SAXO1: variants seen among roughly 807,000 people sequenced by gnomAD.
The protein encoded by SAXO1 is stabilizer of axonemal microtubules 1.
A neutral mutation model predicts 17.5 loss-of-function variants in SAXO1; 21 were observed. The ratio of observed to expected loss-of-function variants is 1.20; its 90% CI spans 0.85 to 1.72. The LOEUF (loss-of-function observed/expected upper bound fraction) is 1.72, where lower values mean the gene tolerates loss of function less well. Among genes scored for constraint, SAXO1 ranks in the 40% most tolerant of loss-of-function variants. The pLI, the probability that SAXO1 is intolerant of heterozygous loss-of-function variation, is 0.00. For missense variants in SAXO1, 843 were observed against 596.0 expected (o/e 1.41, Z -4.32); for synonymous variants, 274 against 216.5 (o/e 1.27, Z -2.33).
intron 1 of SAXO1, among the ~76,000 whole-genome samples, chr9:18,956,486 G>A (rs931553530): frequency 6.6e-6 from 1 of 152,114 alleles, no homozygotes; most frequent in African/African-American, 2.4e-5. Context: ...TGGATCCCCT[G>A]CTGAGCCTAG....
chr9:19,003,612 T>C (rs576745401), intron 1 of SAXO1, among the ~76,000 whole-genome samples: 11 of 152,202 alleles, frequency 7.2e-5, no homozygotes, highest in Non-Finnish European at 1.2e-4. Flanking sequence ...CATCTGGTCT[T>C]TGACAAACCT....
intron 1 of SAXO1, among the ~76,000 whole-genome samples, chr9:18,976,265 A>G (rs1211605719): frequency 2.0e-5 from 3 of 152,158 alleles, no homozygotes; most frequent in African/African-American, 7.2e-5. Flanking sequence ...TCTAGGGCTG[A>G]AAAACTTGAG....
At chr9:19,031,103 C>G (rs1037378145) in intron 1 of SAXO1, among the ~76,000 whole-genome samples, 2 of 152,240 alleles carry the variant, frequency 1.3e-5, no homozygotes, top group Admixed American at 6.5e-5. Flanking sequence ...AACCCTACTG[C>G]AGGGGCAGGA....
chr9:19,017,377 T>C (rs942680514), intron 1 of SAXO1, among the ~76,000 whole-genome samples: 7 of 151,958 alleles, frequency 4.6e-5, no homozygotes, highest in Admixed American at 2.6e-4. Context: ...ACCCACAGAA[T>C]CTAAAATAAA....
intron 1 of SAXO1, among the ~76,000 whole-genome samples, chr9:18,955,481 C>A (rs1832220530): frequency 6.6e-6 from 1 of 152,054 alleles, no homozygotes; most frequent in Non-Finnish European, 1.5e-5. Flanking sequence ...AAGGTACAGA[C>A]AAAAGAACTG....
intron 1 of SAXO1, among the ~76,000 whole-genome samples, chr9:18,994,472 C>T (rs1833928946): frequency 6.6e-6 from 1 of 152,124 alleles, no homozygotes; most frequent in Non-Finnish European, 1.5e-5. Context: ...GGTAGACCAC[C>T]CAGTGTTGTA....
At chr9:18,929,146 C>T (rs1377870047) in intron 3 of SAXO1, 91 bp from the exon 4 acceptor site, 1 of 1,385,268 alleles carries the variant, frequency 7.2e-7, no homozygotes, top group Admixed American at 2.3e-5. Context: ...AAGGCAGTCT[C>T]CGATGAAGTG....
chr9:18,998,925 A>C (rs935023905), intron 1 of SAXO1, among the ~76,000 whole-genome samples: 4 of 152,248 alleles, frequency 2.6e-5, no homozygotes, highest in Non-Finnish European at 5.9e-5. Flanking sequence ...TGTCACCACC[A>C]GGCCTGCCTT....
chr9:19,007,056 T>TA (rs1052108318), intron 1 of SAXO1, among the ~76,000 whole-genome samples: 4 of 134,508 alleles, frequency 3.0e-5, no homozygotes, highest in African/African-American at 5.7e-5. Context: ...AAAATAAAAA[T>TA]AAAAAAAATA....
chr9:18,940,481 A>G (rs1048465919), intron 3 of SAXO1, among the ~76,000 whole-genome samples: 1 of 152,256 alleles, frequency 6.6e-6, no homozygotes, highest in Non-Finnish European at 1.5e-5. Flanking sequence ...AGGGTCCTCC[A>G]GGATGACAGA....
At chr9:19,019,457 G>A (rs937169005) in intron 1 of SAXO1, among the ~76,000 whole-genome samples, 1 of 152,078 alleles carries the variant, frequency 6.6e-6, no homozygotes, top group Non-Finnish European at 1.5e-5. Context: ...GCCGGACAAG[G>A]TTGGCTCACA....
intron 1 of SAXO1, among the ~76,000 whole-genome samples, chr9:19,022,555 T>A (rs1302688353): frequency 6.6e-6 from 1 of 152,208 alleles, no homozygotes; most frequent in Non-Finnish European, 1.5e-5. Context: ...TTGAAATGCA[T>A]CATACTTGAA....
chr9:18,979,154 C>T (rs752131524), intron 1 of SAXO1, among the ~76,000 whole-genome samples: 43 of 152,294 alleles, frequency 2.8e-4, no homozygotes, highest in Non-Finnish European at 4.9e-4. Flanking sequence ...AGGTCCAAAG[C>T]ACTAGGCTAG....
chr9:19,027,302 G>A, intron 1 of SAXO1: 1 of 835,192 alleles, frequency 1.2e-6, no homozygotes, highest in Non-Finnish European at 2.1e-6. Context: ...TGGTGGGTGT[G>A]AACAAAGACT....
chr9:19,003,851 A>G (rs904657094), intron 1 of SAXO1, among the ~76,000 whole-genome samples: 1 of 152,226 alleles, frequency 6.6e-6, no homozygotes, highest in Non-Finnish European at 1.5e-5. Context: ...CTTCATGACT[A>G]AAACACCAAA....
intron 1 of SAXO1, among the ~76,000 whole-genome samples, chr9:19,011,203 G>C (rs1004298281): frequency 3.3e-5 from 5 of 152,174 alleles, no homozygotes; most frequent in African/African-American, 9.7e-5. Context: ...TTAAATACAT[G>C]CGTGACTGAA....
Position 18,928,772 on chromosome 9 carries a change from T to G in SAXO1, c.705A>C (p.Glu235Asp). 6.2e-7 allele frequency: 1 copy of G among 1,614,030 alleles called. No homozygotes were observed. Among genetic ancestry groups the G allele is most frequent in the Non-Finnish European group, 8.5e-7 (1 of 1,179,996 alleles). ...EKFRPCEIPF[E>D]SLTTQKQSYR... Reference sequence around the variant, plus strand: ...AGGATTGTTTTTGAGTGGTAAGGCTTTCAAAGGGGATTTCACAGGGCCTGA... The same window carrying G: ...AGGATTGTTTTTGAGTGGTAAGGCTGTCAAAGGGGATTTCACAGGGCCTGA... Residue 235 changes from glutamate (E) to aspartate (D), a missense_variant, in exon 4 of 4, where the codon GAA becomes GAC. Transcript: ENST00000380534.
chr9:18,960,615 A>C (rs1279193922), intron 1 of SAXO1, among the ~76,000 whole-genome samples: 1 of 151,996 alleles, frequency 6.6e-6, no homozygotes, highest in African/African-American at 2.4e-5. Context: ...CCGAATCTAC[A>C]AAAAACAACA....
intron 1 of SAXO1, among the ~76,000 whole-genome samples, chr9:18,965,846 T>C (rs1280699316): frequency 6.6e-6 from 1 of 152,228 alleles, no homozygotes; most frequent in African/African-American, 2.4e-5. Context: ...GTGTCATTGG[T>C]CTTTACATTT....
Sources: gnomAD v4.1 joint callset for allele counts (sites outside exome capture counted in the v4.1 genomes callset) on GRCh38, gnomAD v4.1.1 for gene constraint, MANE v1.5 for transcripts, NCBI Gene and HGNC (gene_info 2026-07-23, HGNC 2026-07-21) for gene names.